The following NEGR1 variants were observed in gnomAD, a reference collection of about 807,000 sequenced individuals.
NEGR1 encodes the protein neuronal growth regulator 1, also known as IgLON family member 4.
In NEGR1, 10 loss-of-function variants were observed where a neutral mutation model predicts 40.9. The ratio of observed to expected loss-of-function variants is 0.24; its 90% CI spans 0.15 to 0.42. The LOEUF is 0.42. NEGR1 is among the 10% of genes least tolerant of loss of function. NEGR1 has a pLI of 1.00. For missense variants in NEGR1, 352 were observed against 438.9 expected (o/e 0.80, Z 1.77); for synonymous variants, 185 against 166.8 (o/e 1.11, Z -0.84).
At chr1:71,852,824 C>T (rs1358317721) in intron 2 of NEGR1, among the ~76,000 whole-genome samples, 1 of 147,892 alleles carries the variant, frequency 6.8e-6, no homozygotes. Context: ...AATGTTATTC[C>T]AAAGGAATAA....
chr1:72,094,121 G>A (rs1165848327), intron 1 of NEGR1, among the ~76,000 whole-genome samples: 1 of 152,134 alleles, frequency 6.6e-6, no homozygotes, highest in East Asian at 1.9e-4. Flanking sequence ...ATAATAGTAT[G>A]TGTTGGGCGC....
At chr1:71,957,348 T>C (rs1213089581) in intron 1 of NEGR1, among the ~76,000 whole-genome samples, 1 of 152,106 alleles carries the variant, frequency 6.6e-6, no homozygotes, top group East Asian at 1.9e-4. Context: ...TCAGGTAAAG[T>C]GAAACTCTAA....
intron 6 of NEGR1, among the ~76,000 whole-genome samples, chr1:71,538,585 C>G (rs1179864721): frequency 6.6e-6 from 1 of 151,578 alleles, no homozygotes; most frequent in African/African-American, 2.4e-5. Context: ...GCTGATGAAG[C>G]CTCAGGAGAC....
At chr1:72,064,212 C>G (rs183762235) in intron 1 of NEGR1, among the ~76,000 whole-genome samples, 5 of 152,022 alleles carry the variant, frequency 3.3e-5, no homozygotes, top group African/African-American at 1.2e-4. Context: ...GAGCCTTTAT[C>G]ACAAATCATA....
At chr1:71,421,773 CATT>C (rs1646396600) in intron 6 of NEGR1, among the ~76,000 whole-genome samples, 1 of 152,010 alleles carries the variant, frequency 6.6e-6, no homozygotes, top group Non-Finnish European at 1.5e-5. Context: ...AGAAACATAT[CATT>C]ATAAAAAGGT....
chr1:71,762,960 T>C (rs1426076264), intron 3 of NEGR1, among the ~76,000 whole-genome samples: 2 of 150,078 alleles, frequency 1.3e-5, no homozygotes, highest in African/African-American at 2.5e-5. Flanking sequence ...GTTCTGAACA[T>C]AGAAATAAAG....
intron 6 of NEGR1, among the ~76,000 whole-genome samples, chr1:71,425,562 G>T (rs975585137): frequency 6.6e-6 from 1 of 152,164 alleles, no homozygotes. Context: ...GCTGAGCCCT[G>T]AATGAGATAA....
At chr1:72,216,371 TTATATATATATACATATA>T (rs199701310) in intron 1 of NEGR1, among the ~76,000 whole-genome samples, 2,119 of 115,680 alleles carry the variant, frequency 0.018, 29 homozygotes, top group South Asian at 0.03. Flanking sequence ...AACTTGGAAG[TTATATATATATACATATA>T]TATATATATA....
chr1:71,399,328 G>A lies in NEGR1; in HGVS notation c.*8118C>T, dbSNP rs549622006. ...TGTCAACATTTAAAGTTATTAGACA[G>A]TAACACATTTCAAAGCATAATTTAG... On this transcript the variant is annotated 3_prime_UTR_variant, in exon 7 of 7. Coordinates refer to ENST00000357731, the MANE Select transcript of NEGR1 (RefSeq NM_173808.3). 6.6e-6 allele frequency: 1 copy of A among 151,264 alleles called. No homozygotes were observed. Among genetic ancestry groups the A allele is most frequent in the Non-Finnish European group, 1.5e-5 (1 of 67,856 alleles). The allele number at this position is 151,264 out of a possible 1,614,324, so 9.4% of individuals were successfully genotyped here.
At chr1:71,637,987 A>G (rs1651216386) in intron 4 of NEGR1, among the ~76,000 whole-genome samples, 2 of 152,018 alleles carry the variant, frequency 1.3e-5, no homozygotes, top group African/African-American at 4.8e-5. Context: ...CTGGTGCTAT[A>G]TTATTTTTAT....
At chr1:71,735,741 A>T (rs1341339662) in intron 3 of NEGR1, among the ~76,000 whole-genome samples, 1 of 152,048 alleles carries the variant, frequency 6.6e-6, no homozygotes, top group African/African-American at 2.4e-5. Context: ...GATAAAATAT[A>T]CTTTTGAATG....
chr1:72,233,390 G>A (rs1654441285), intron 1 of NEGR1, among the ~76,000 whole-genome samples: 1 of 152,118 alleles, frequency 6.6e-6, no homozygotes, highest in African/African-American at 2.4e-5. Context: ...GAATGATACT[G>A]TCAATCAGGT....
chr1:71,464,305 T>G (rs1646731672), intron 6 of NEGR1, among the ~76,000 whole-genome samples: 2 of 152,056 alleles, frequency 1.3e-5, no homozygotes, highest in African/African-American at 4.8e-5. Context: ...GCAAATCTGT[T>G]GGATGAGGAA....
At chr1:71,419,734 C>A (rs911707447) in intron 6 of NEGR1, among the ~76,000 whole-genome samples, 2 of 151,900 alleles carry the variant, frequency 1.3e-5, no homozygotes, top group African/African-American at 4.8e-5. Flanking sequence ...TAAAATACTC[C>A]TCTCCTCTGC....
At chr1:71,522,163 A>T (rs1647162089) in intron 6 of NEGR1, among the ~76,000 whole-genome samples, 1 of 152,026 alleles carries the variant, frequency 6.6e-6, no homozygotes, top group African/African-American at 2.4e-5. Flanking sequence ...ATTAAAAAGG[A>T]TATAATACAT....
chr1:72,277,154 C>T (rs1402658491), intron 1 of NEGR1, among the ~76,000 whole-genome samples: 2 of 152,128 alleles, frequency 1.3e-5, no homozygotes, highest in East Asian at 1.9e-4. Context: ...CATTGGCTAA[C>T]GACAGCCTGA....
At position 72,282,173 on chromosome 1, in the gene NEGR1, T is replaced by G. The variant is rs1656280719; in HGVS notation, c.176+146A>C. On this transcript the variant is annotated intron_variant, in intron 1 of 6. Transcript: ENST00000357731. The stretch of plus-strand genomic sequence containing the variant: ...AAACGGGCCGGGGCTCCGGGAAGAA[T>G]CTGCACCTGGAATTCTTGGGATGTG... 1.4e-5 allele frequency: 14 copies of G among 989,598 alleles called. No homozygotes were observed. In the South Asian group the frequency reaches 2.4e-4, roughly 17 times the overall value. The allele number at this position is 989,598 out of a possible 1,614,324, so 61.3% of individuals were successfully genotyped here.
Position 72,049,456 on chromosome 1 carries a change from C to T in NEGR1, c.177-114145G>A, listed in dbSNP as rs954240808. Among the ~76,000 whole-genome samples, 4 of 151,590 alleles carry T rather than the reference C, an allele frequency of 2.6e-5. No individual in the cohort carries two copies. The East Asian group carries it at 5.8e-4, about 22-fold the overall frequency. On this transcript the variant is annotated intron_variant, in intron 1 of 6. Transcript: ENST00000357731. ...AAGTACAAAGAGATATTTCAATGAC[C>T]ACAAGTGGTAGCATGGCTTATTGAT...
At chr1:71,962,277 C>A (rs1275961853) in intron 1 of NEGR1, among the ~76,000 whole-genome samples, 2 of 151,986 alleles carry the variant, frequency 1.3e-5, no homozygotes, top group African/African-American at 4.8e-5. Flanking sequence ...AACATGATTT[C>A]TTTTCGGTTT....
Sources: gnomAD v4.1 joint callset for allele counts (sites outside exome capture counted in the v4.1 genomes callset) on GRCh38, gnomAD v4.1.1 for gene constraint, MANE v1.5 for transcripts, NCBI Gene and HGNC (gene_info 2026-07-23, HGNC 2026-07-21) for gene names.